The following RBM39 variants were observed in gnomAD, a reference collection of about 807,000 sequenced individuals.
RBM39 encodes RNA binding motif protein 39, also known as RNA-binding protein 39.
RBM39 carries 12 observed loss-of-function variants against 79.6 expected under a neutral mutation model. That is an observed-to-expected ratio of 0.15 (90% CI 0.10 to 0.24). The LOEUF is 0.24. Among genes scored for constraint, RBM39 ranks in the 10% least tolerant of loss-of-function variants. The pLI, the probability that RBM39 is intolerant of heterozygous loss-of-function variation, is 1.00. For synonymous variants in RBM39, 185 were observed against 208.4 expected, an observed-to-expected ratio of 0.89 and a Z score of 0.97; for missense variants, 243 against 653.4, an observed-to-expected ratio of 0.37 and a Z score of 6.85.
intron 9 of RBM39, among the ~76,000 whole-genome samples, chr20:35,718,462 G>A (rs1739941007): frequency 1.3e-5 from 2 of 152,104 alleles, no homozygotes; most frequent in Admixed American, 1.3e-4. Context: ...GACTATCTGA[G>A]CTCAGGAGTT....
chr20:35,724,432 T>TTA, intron 8 of RBM39, 138 bp downstream of exon 8: 1 of 617,118 alleles, frequency 1.6e-6, no homozygotes, highest in East Asian at 3.4e-5. Flanking sequence ...AACGCAAAGT[T>TTA]AAAAAAAAAA....
intron 13 of RBM39, chr20:35,708,725 TGCATG>T (rs1478758408): frequency 6.6e-6 from 1 of 152,442 alleles, no homozygotes; most frequent in East Asian, 1.9e-4. Context: ...CTCTGAAATG[TGCATG>T]TAATTTAAGT....
intron 14 of RBM39, 68 bp downstream of exon 14, chr20:35,707,048 AAAAG>A (rs2146485632): frequency 5.5e-6 from 4 of 731,412 alleles, no homozygotes; most frequent in East Asian, 7.5e-5. Flanking sequence ...AAAAAAAAAA[AAAAG>A]AGAAATATAT....
In RBM39 at chr20:35,703,095, G is replaced by A. The variant is rs2035357949; in HGVS notation, c.*1386C>T. The A allele has an allele frequency of 1.3e-5, 2 of 152,066 alleles. No homozygotes were observed. The highest frequency in any genetic ancestry group is 2.9e-5 in the Non-Finnish European group (2 of 68,020). The allele number at this position is 152,066 out of a possible 1,614,324, so 9.4% of individuals were successfully genotyped here. A position where few individuals can be genotyped will look rare whatever the true frequency, so the allele number is the denominator to read the frequency against. ...TAAGGAACTCAGTATTTGAAGATAA[G>A]CTAGGAGCAGCATTTCCTACTCAAA... On this transcript the variant is annotated 3_prime_UTR_variant, in exon 17 of 17. Coordinates refer to ENST00000253363, the MANE Select transcript of RBM39 (RefSeq NM_184234.3).
At chr20:35,740,930 T>C (rs535367217) in intron 1 of RBM39, 43 bp from the exon 2 acceptor site, 3 of 1,443,278 alleles carry the variant, frequency 2.1e-6, no homozygotes, top group African/African-American at 2.9e-5. Flanking sequence ...ACATTTCTCT[T>C]ACAATGTGAA....
At chr20:35,721,997 G>T in intron 8 of RBM39, 120 bp from the exon 9 acceptor site, 4 of 1,131,740 alleles carry the variant, frequency 3.5e-6, no homozygotes, top group Non-Finnish European at 5.0e-6. Flanking sequence ...CCCTACGTAA[G>T]TCAGATACTA....
At chr20:35,711,360 T>C (rs971400487) in intron 12 of RBM39, among the ~76,000 whole-genome samples, 1 of 152,172 alleles carries the variant, frequency 6.6e-6, no homozygotes, top group African/African-American at 2.4e-5. Flanking sequence ...TACTATCAAT[T>C]AGAGCAAGTA....
chr20:35,726,233 G>A (rs1006408826), intron 6 of RBM39, among the ~76,000 whole-genome samples: 2 of 152,132 alleles, frequency 1.3e-5, no homozygotes, highest in Non-Finnish European at 2.9e-5. Context: ...CAGGGTTCAA[G>A]CAATTCTTCT....
intron 3 of RBM39, chr20:35,734,526 A>C (rs555861369): frequency 4.7e-6 from 1 of 214,696 alleles, no homozygotes; most frequent in East Asian, 1.2e-4. Context: ...CATCCCCCTC[A>C]AAAACAAAGT....
chr20:35,706,157 G>A (rs908246977), intron 14 of RBM39, among the ~76,000 whole-genome samples: 1 of 152,144 alleles, frequency 6.6e-6, no homozygotes, highest in Admixed American at 6.6e-5. Flanking sequence ...TGGCCAACAC[G>A]GCAAAACCCT....
rs1035820036 is a variant in RBM39, at chr20:35,702,577, G to A, written c.*1904C>T. 1.3e-5 allele frequency: 2 copies of A among 151,766 alleles called. No homozygotes were observed. The highest frequency in any genetic ancestry group is 3.0e-5 in the Non-Finnish European group (2 of 67,708). 9.4% of individuals were successfully genotyped at this position (151,766 alleles called of 1,614,324 possible). On this transcript the variant is annotated 3_prime_UTR_variant, in exon 17 of 17. Coordinates refer to ENST00000253363, the MANE Select transcript of RBM39 (RefSeq NM_184234.3). ...AAAACTGATAGCAGGAGATACTTTG[G>A]AAAAAGAGCACACTGACAGAGTGTC...
intron 9 of RBM39, among the ~76,000 whole-genome samples, chr20:35,717,831 A>C (rs536387653): frequency 6.6e-6 from 1 of 152,156 alleles, no homozygotes; most frequent in South Asian, 2.1e-4. Flanking sequence ...CCTCAGTCAC[A>C]GAGGGAGACT....
rs1209528608 is a variant in RBM39, at chr20:35,703,523, G to C, written c.*958C>G. ...CAGACTCGGAACATTTTCCCAAGAGGCAAGTACTGAATTGAGACTAAAAGA... is the reference window on the plus strand; with the variant it reads ...CAGACTCGGAACATTTTCCCAAGAGCCAAGTACTGAATTGAGACTAAAAGA... On this transcript the variant is annotated 3_prime_UTR_variant, in exon 17 of 17. Transcript: ENST00000253363. 1 of 152,356 alleles carries C rather than the reference G, an allele frequency of 6.6e-6. No individual in the cohort carries two copies. Among genetic ancestry groups the C allele is most frequent in the African/African-American group, 2.4e-5 (1 of 41,438 alleles). The allele number at this position is 152,356 out of a possible 1,614,324, so 9.4% of individuals were successfully genotyped here.
At chr20:35,741,340 A>G (rs993561922) in intron 1 of RBM39, 2 of 153,536 alleles carry the variant, frequency 1.3e-5, no homozygotes, top group African/African-American at 4.8e-5. Context: ...GGCCTGGTAA[A>G]CGTTTTTCAA....
At chr20:35,721,035 C>T (rs2037866566) in intron 9 of RBM39, among the ~76,000 whole-genome samples, 1 of 152,122 alleles carries the variant, frequency 6.6e-6, no homozygotes, top group Non-Finnish European at 1.5e-5. Context: ...CTCCTATATT[C>T]AAGGGAGAAA....
chr20:35,736,162 T>C (rs994156229), intron 3 of RBM39, among the ~76,000 whole-genome samples: 2 of 152,122 alleles, frequency 1.3e-5, no homozygotes, highest in South Asian at 2.1e-4. Flanking sequence ...CCTTCCTGGG[T>C]TTTCTTTTGA....
chr20:35,720,048 A>G, intron 9 of RBM39: 1 of 234,076 alleles, frequency 4.3e-6, no homozygotes, highest in South Asian at 3.6e-5. Context: ...CTCCCAAACA[A>G]AGAGATGGGA....
chr20:35,718,813 CAAAAAAAAAA>C (rs555136304), intron 9 of RBM39, among the ~76,000 whole-genome samples: 2 of 37,882 alleles, frequency 5.3e-5, no homozygotes, highest in South Asian at 1.0e-3. Flanking sequence ...TACTCCATCT[CAAAAAAAAAA>C]AAAAAAAAAA....
chr20:35,733,726 T>A (rs2039622985), intron 3 of RBM39, among the ~76,000 whole-genome samples: 1 of 151,926 alleles, frequency 6.6e-6, no homozygotes, highest in Non-Finnish European at 1.5e-5. Context: ...GAAAATGGAG[T>A]ATGCCATTTT....
Sources: allele counts gnomAD v4.1 joint callset (sites outside exome capture counted in the v4.1 genomes callset), GRCh38; gene constraint gnomAD v4.1.1; transcripts MANE v1.5; gene names NCBI Gene and HGNC (gene_info 2026-07-23, HGNC 2026-07-21).